Variants in C6 observed in about 807,000 individuals in gnomAD.
The protein encoded by C6 is complement C6.
Under a neutral mutation model 112.9 loss-of-function variants are expected in C6, and 101 were observed. The observed-to-expected ratio is 0.89, with a 90% CI of 0.76 to 1.06. The LOEUF (loss-of-function observed/expected upper bound fraction) is 1.06. Ranked by LOEUF, C6 falls within the 50% of genes least tolerant of loss-of-function variation. The probability of loss-of-function intolerance (pLI) is 0.00; values close to 1 mark genes in which losing one functional copy is unlikely to be tolerated. For missense variants in C6, 1,202 were observed against 1,104.6 expected (o/e 1.09, Z -1.25); for synonymous variants, 431 against 384.1 (o/e 1.12, Z -1.43).
At chr5:41,143,142 A>T (rs1297513753) in intron 17 of C6, 136 bp from the exon 18 acceptor site, 1 of 737,334 alleles carries the variant, frequency 1.4e-6, no homozygotes, top group Non-Finnish European at 2.3e-6. Context: ...CTAATGAATG[A>T]GAAAGCCAAA....
chr5:41,206,575 G>C (rs537793876), intron 1 of C6, among the ~76,000 whole-genome samples: 2 of 152,154 alleles, frequency 1.3e-5, no homozygotes, highest in African/African-American at 4.8e-5. Flanking sequence ...ACTACATGAC[G>C]CATGCACAAG....
intron 4 of C6, among the ~76,000 whole-genome samples, chr5:41,199,039 C>G (rs1274358620): frequency 1.3e-5 from 2 of 152,084 alleles, no homozygotes; most frequent in East Asian, 3.9e-4. Context: ...AAACCCTGAC[C>G]CCAGCATTCC....
rs143457957 is a variant in C6, at chr5:41,175,516, C to T, written c.1168+959G>A. ...AAGAGATGGAATGTGAGAAGGTTTC[C>T]GTAGGAAAGTATAGCTCATCACTCT... On this transcript the variant is annotated intron_variant, in intron 8 of 17. Coordinates refer to ENST00000337836, the MANE Select transcript of C6 (RefSeq NM_000065.5). Among the ~76,000 whole-genome samples, 464 of 152,218 alleles carry T rather than the reference C, an allele frequency of 3.0e-3. 3 individuals are homozygous for T. Among genetic ancestry groups the T allele is most frequent in the African/African-American group, 9.9e-3 (413 of 41,524 alleles).
chr5:41,194,110 C>T (rs1750429399), intron 5 of C6, among the ~76,000 whole-genome samples: 1 of 151,988 alleles, frequency 6.6e-6, no homozygotes, highest in African/African-American at 2.4e-5. Flanking sequence ...GTAATGTCAC[C>T]CTTCATCAAT....
At chr5:41,204,872 C>G (rs113261411) in intron 1 of C6, among the ~76,000 whole-genome samples, 1 of 151,682 alleles carries the variant, frequency 6.6e-6, no homozygotes, top group African/African-American at 2.4e-5. Flanking sequence ...GGTTTCACTG[C>G]GTTAGCCAGG....
intron 1 of C6, among the ~76,000 whole-genome samples, chr5:41,247,027 T>A (rs1408744625): frequency 6.6e-6 from 1 of 152,228 alleles, no homozygotes; most frequent in Non-Finnish European, 1.5e-5. Context: ...TATACTCTGA[T>A]CATTACTTAG....
chr5:41,160,116 C>T (rs555173963), intron 11 of C6, 26 bp downstream of exon 11: 1 of 1,568,616 alleles, frequency 6.4e-7, no homozygotes, highest in South Asian at 1.1e-5. Flanking sequence ...AACTTATCTA[C>T]CTCACAATAG....
At chr5:41,148,600 G>C (rs1446025010) in intron 17 of C6, among the ~76,000 whole-genome samples, 1 of 152,210 alleles carries the variant, frequency 6.6e-6, no homozygotes, top group Non-Finnish European at 1.5e-5. Context: ...TGAGGGTCTA[G>C]TCTGGGCCAG....
intron 1 of C6, among the ~76,000 whole-genome samples, chr5:41,238,979 G>A (rs12516670): frequency 0.17 from 25,867 of 151,886 alleles, 2,273 homozygotes; most frequent in Admixed American, 0.26. Flanking sequence ...AATTTTTGTT[G>A]ATACATAATG....
At chr5:41,200,876 G>T (rs1159794150) in intron 3 of C6, among the ~76,000 whole-genome samples, 1 of 66,426 alleles carries the variant, frequency 1.5e-5, no homozygotes, top group South Asian at 5.2e-4. Flanking sequence ...TGTTTTTGTT[G>T]TTGTTGTTGT....
intron 7 of C6, among the ~76,000 whole-genome samples, chr5:41,178,626 C>T (rs1206944372): frequency 3.3e-5 from 5 of 151,346 alleles, no homozygotes; most frequent in Non-Finnish European, 5.9e-5. Context: ...CAAGCCCCCG[C>T]CACCACGTCT....
At chr5:41,191,375 C>T (rs1750201730) in intron 5 of C6, among the ~76,000 whole-genome samples, 1 of 152,080 alleles carries the variant, frequency 6.6e-6, no homozygotes, top group Admixed American at 6.6e-5. Context: ...TCTTTTTGCT[C>T]AAGATTGCTT....
rs146381899 is a variant in C6 at position 41,163,060 on chromosome 5, T to G, written c.1292-1201A>C. Among the ~76,000 whole-genome samples, 800 of 152,220 alleles carry G rather than the reference T, an allele frequency of 5.3e-3. 2 individuals are homozygous for G. Among genetic ancestry groups the G allele is most frequent in the Non-Finnish European group, 8.3e-3 (564 of 68,016 alleles). ...TGGGATCCTGAAGAAAGAGTAAGTC[T>G]GTTTACTGTTCCATTAGCTTACTCT... On this transcript the variant is annotated intron_variant, in intron 9 of 17. Transcript: ENST00000337836.
At chr5:41,236,387 T>G (rs1580239940) in intron 1 of C6, among the ~76,000 whole-genome samples, 1 of 151,832 alleles carries the variant, frequency 6.6e-6, no homozygotes, top group East Asian at 2.0e-4. Context: ...CAGATAGTTG[T>G]AGATATGCGG....
intron 14 of C6, 122 bp from the exon 15 acceptor site, chr5:41,154,120 G>T (rs1746673220): frequency 2.5e-6 from 2 of 796,404 alleles, no homozygotes; most frequent in Admixed American, 4.0e-5. Flanking sequence ...CAGCTTTGGT[G>T]CCTCCTTTTG....
rs75018001 is a variant in C6, at chr5:41,177,959, A to G, written c.928-1244T>C. Among the ~76,000 whole-genome samples, 229 of 152,324 alleles carry G rather than the reference A, an allele frequency of 1.5e-3. 5 individuals are homozygous for G. The East Asian group carries it at 0.038, about 25-fold the overall frequency. ...AGCCCTTGTGCTTTTAATAAGAAGC[A>G]CACTCACTCCCTGAGTATCTGAACT... On this transcript the variant is annotated intron_variant, in intron 7 of 17. Coordinates refer to ENST00000337836, the MANE Select transcript of C6 (RefSeq NM_000065.5).
intron 1 of C6, among the ~76,000 whole-genome samples, chr5:41,208,462 A>T (rs1751618349): frequency 6.6e-6 from 1 of 152,228 alleles, no homozygotes; most frequent in Admixed American, 6.5e-5. Context: ...GACAAAACTG[A>T]TAGACCACCA....
upstream of C6, among the ~76,000 whole-genome samples, chr5:41,215,593 C>T (rs557019808): frequency 6.6e-6 from 1 of 152,224 alleles, no homozygotes; most frequent in African/African-American, 2.4e-5. Context: ...ACACAGAAGA[C>T]CTTCTCACAC....
chr5:41,242,981 T>C (rs1740815993), intron 1 of C6, among the ~76,000 whole-genome samples: 1 of 152,054 alleles, frequency 6.6e-6, no homozygotes, highest in Non-Finnish European at 1.5e-5. Flanking sequence ...AGAATGGTGG[T>C]TGCAGAGGCT....
Sources: gnomAD v4.1 joint callset for allele counts (sites outside exome capture counted in the v4.1 genomes callset) on GRCh38, gnomAD v4.1.1 for gene constraint, MANE v1.5 for transcripts, NCBI Gene and HGNC (gene_info 2026-07-23, HGNC 2026-07-21) for gene names.